KIRREL3: variants seen among roughly 807,000 people sequenced by gnomAD.
KIRREL3 encodes the protein kin of IRRE-like protein 3.
Under a neutral mutation model 89.7 loss-of-function variants are expected in KIRREL3, and 36 were observed. That is an observed-to-expected ratio of 0.40 (90% CI 0.31 to 0.53). The LOEUF (loss-of-function observed/expected upper bound fraction) is 0.53, where lower values mean the gene tolerates loss of function less well. KIRREL3 is among the 20% of genes least tolerant of loss of function. The pLI is 0.49. For missense variants in KIRREL3, 864 were observed against 1,056.6 expected, an observed-to-expected ratio of 0.82 and a Z score of 2.53; for synonymous variants, 445 against 441.4, an observed-to-expected ratio of 1.01 and a Z score of -0.10.
At chr11:126,789,930 G>T (rs1950588105) in intron 1 of KIRREL3, among the ~76,000 whole-genome samples, 1 of 152,024 alleles carries the variant, frequency 6.6e-6, no homozygotes, top group Non-Finnish European at 1.5e-5. Flanking sequence ...TATACCTTCA[G>T]CCCAAACCTT....
chr11:126,602,939 C>G (rs1187785045), intron 1 of KIRREL3, among the ~76,000 whole-genome samples: 7 of 152,166 alleles, frequency 4.6e-5, no homozygotes, highest in African/African-American at 1.2e-4. Flanking sequence ...CAGCTAATAG[C>G]TACAGAGGTC....
At chr11:126,590,403 A>T (rs1942080340) in intron 1 of KIRREL3, among the ~76,000 whole-genome samples, 1 of 152,168 alleles carries the variant, frequency 6.6e-6, no homozygotes, top group East Asian at 1.9e-4. Context: ...CCCTGTCTAC[A>T]GGGCTCTGCC....
At position 126,805,048 on chromosome 11, in the gene KIRREL3, G is replaced by A. The variant is rs576845574; in HGVS notation, c.55+195407C>T. 6.6e-6 allele frequency among the ~76,000 whole-genome samples: 1 copy of A among 152,332 alleles called. No homozygotes were observed. Among genetic ancestry groups the A allele is most frequent in the Non-Finnish European group, 1.5e-5 (1 of 68,022 alleles). On this transcript the variant is annotated intron_variant, in intron 1 of 16. Coordinates refer to ENST00000525144, the MANE Select transcript of KIRREL3 (RefSeq NM_032531.4). The surrounding 1 kb of genome is among the most constrained non-coding windows in gnomAD (Gnocchi z 4.3). Reference sequence around the variant, plus strand: ...TATCATTTAAGGAGCACAGTTCATAGGGTCTGAGGAGTTTTAGCAGGTGTG... The same window carrying A: ...TATCATTTAAGGAGCACAGTTCATAAGGTCTGAGGAGTTTTAGCAGGTGTG...
At chr11:126,473,496 C>G (rs767906180) in intron 4 of KIRREL3, 30 bp from the exon 5 acceptor site, 1 of 1,506,660 alleles carries the variant, frequency 6.6e-7, no homozygotes, top group Admixed American at 1.9e-5. Context: ...GAGGTCAGGC[C>G]GAGGCTCCCA....
chr11:126,815,440 T>G (rs1951531407), intron 1 of KIRREL3, among the ~76,000 whole-genome samples: 1 of 152,232 alleles, frequency 6.6e-6, no homozygotes, highest in South Asian at 2.1e-4. Flanking sequence ...AGCCGCTATT[T>G]TGTGAGGTTG....
intron 1 of KIRREL3, among the ~76,000 whole-genome samples, chr11:126,663,245 G>A (rs1358952224): frequency 6.8e-6 from 1 of 147,760 alleles, no homozygotes; most frequent in Non-Finnish European, 1.5e-5. Context: ...GAGTGCAGTG[G>A]CTCGATCTTC....
intron 1 of KIRREL3, among the ~76,000 whole-genome samples, chr11:126,863,553 G>A (rs142101857): frequency 6.6e-6 from 1 of 150,532 alleles, no homozygotes; most frequent in Non-Finnish European, 1.5e-5. Flanking sequence ...GTGTGTGAGT[G>A]CATGTGTGAG....
intron 1 of KIRREL3, among the ~76,000 whole-genome samples, chr11:126,956,059 T>C (rs566459780): frequency 1.6e-4 from 24 of 152,316 alleles, no homozygotes; most frequent in African/African-American, 5.8e-4. Context: ...GAGTGACACA[T>C]ATGCCCACCT....
chr11:126,591,715 C>T (rs555263922), intron 1 of KIRREL3, among the ~76,000 whole-genome samples: 2 of 152,310 alleles, frequency 1.3e-5, no homozygotes, highest in African/African-American at 4.8e-5. Flanking sequence ...AATATTGCTA[C>T]AATTTCTTCA....
intron 1 of KIRREL3, among the ~76,000 whole-genome samples, chr11:126,659,552 T>C (rs1399581047): frequency 6.6e-6 from 1 of 152,220 alleles, no homozygotes; most frequent in Non-Finnish European, 1.5e-5. Context: ...CAACATCCTT[T>C]GGTCTCTGCT....
intron 1 of KIRREL3, among the ~76,000 whole-genome samples, chr11:126,815,183 T>C (rs1281854955): frequency 6.6e-6 from 1 of 152,200 alleles, no homozygotes; most frequent in Non-Finnish European, 1.5e-5. Context: ...GAGGAGCAAT[T>C]AGCTTTTACA....
chr11:126,972,074 T>G (rs753224253), intron 1 of KIRREL3, among the ~76,000 whole-genome samples: 4 of 152,098 alleles, frequency 2.6e-5, no homozygotes, highest in Non-Finnish European at 5.9e-5. Context: ...TTAGAGGGCA[T>G]GATGCTTCAG....
chr11:126,608,243 CCCCGCTGGGAGCCT>C lies in KIRREL3; in HGVS notation c.56-45345_56-45332del, dbSNP rs527630254. On this transcript the variant is annotated intron_variant, in intron 1 of 16. Coordinates refer to ENST00000525144, the MANE Select transcript of KIRREL3 (RefSeq NM_032531.4). The surrounding 1 kb of genome is among the most constrained non-coding windows in gnomAD (Gnocchi z 4.9). Reference sequence around the variant, plus strand: ...AGCTGAAGGGGGCGGTCTCAGAAGCCCCCGCTGGGAGCCTCCTATCCACCTGGCAGGCGTTTGGA... The same window carrying C: ...AGCTGAAGGGGGCGGTCTCAGAAGCCCCTATCCACCTGGCAGGCGTTTGGA... Among the ~76,000 whole-genome samples the C allele has an allele frequency of 1.7e-3, 258 of 152,262 alleles. 1 individual carries two copies. The highest frequency in any genetic ancestry group is 6.1e-3 in the African/African-American group (255 of 41,546).
intron 1 of KIRREL3, among the ~76,000 whole-genome samples, chr11:126,702,883 G>A (rs1384484461): frequency 6.6e-6 from 1 of 152,244 alleles, no homozygotes; most frequent in African/African-American, 2.4e-5. Context: ...TTCCCAGGAG[G>A]AGAAAGCCTG....
intron 1 of KIRREL3, among the ~76,000 whole-genome samples, chr11:126,762,501 G>A (rs572036285): frequency 1.3e-5 from 2 of 152,316 alleles, no homozygotes; most frequent in African/African-American, 4.8e-5. Context: ...GCCGCTATGT[G>A]ATCAAGTCTT....
rs1041185368 is a variant in KIRREL3, at chr11:126,724,970, G to A, written c.56-162058C>T. On this transcript the variant is annotated intron_variant, in intron 1 of 16. Transcript: ENST00000525144. The surrounding 1 kb of genome is among the most constrained non-coding windows in gnomAD (Gnocchi z 4.3). ...TGCAGGAGTAGATATTCTTATTTCTGTTCTTCAGATGAAGAGACAGAGGTT... is the reference window on the plus strand; with the variant it reads ...TGCAGGAGTAGATATTCTTATTTCTATTCTTCAGATGAAGAGACAGAGGTT... Among the ~76,000 whole-genome samples the A allele has an allele frequency of 7.2e-5, 11 of 152,170 alleles. No individual in the cohort carries two copies. Among genetic ancestry groups the A allele is most frequent in the Admixed American group, 7.2e-4 (11 of 15,288 alleles).
At chr11:126,674,053 G>A (rs561870234) in intron 1 of KIRREL3, among the ~76,000 whole-genome samples, 118 of 152,356 alleles carry the variant, frequency 7.7e-4, no homozygotes, top group Non-Finnish European at 1.5e-3. Context: ...ATTTGCATGA[G>A]AGCCAGAGGA....
Position 126,555,587 on chromosome 11 carries a change from A to T in KIRREL3, c.133+7248T>A, listed in dbSNP as rs1363032836. ...GGCAAGCAGGGTAGACACAGGGAGC[A>T]GGGTAGACACAGGCCCTATGACAGG... is the stretch of plus-strand genomic sequence containing the variant. On this transcript the variant is annotated intron_variant, in intron 2 of 16. Transcript: ENST00000525144. The surrounding 1 kb of genome is among the most constrained non-coding windows in gnomAD (Gnocchi z 4.2). Among the ~76,000 whole-genome samples, 1 of 152,062 alleles carries T rather than the reference A, an allele frequency of 6.6e-6. No homozygotes were observed. Among genetic ancestry groups the T allele is most frequent in the East Asian group, 1.9e-4 (1 of 5,168 alleles).
intron 1 of KIRREL3, among the ~76,000 whole-genome samples, chr11:126,646,325 T>TC (rs5795511): frequency 1 from 152,273 of 152,274 alleles, 76,136 homozygotes; most frequent in Non-Finnish European, 1. Context: ...GTTAGTGCCT[T>TC]CCTGCACTGG....
Sources: allele counts gnomAD v4.1 joint callset (sites outside exome capture counted in the v4.1 genomes callset), GRCh38; gene constraint gnomAD v4.1.1; non-coding constraint Gnocchi (gnomAD v3.1); transcripts MANE v1.5; gene names NCBI Gene and HGNC (gene_info 2026-07-23, HGNC 2026-07-21).